ITCH: variants seen among roughly 807,000 people sequenced by gnomAD.
ITCH encodes the protein itchy E3 ubiquitin protein ligase, also known as E3 ubiquitin-protein ligase Itchy homolog.
A neutral mutation model predicts 126.8 loss-of-function variants in ITCH; 28 were observed. That is an observed-to-expected ratio of 0.22 (90% confidence interval 0.16 to 0.30). ITCH has a LOEUF of 0.30. Among genes scored for constraint, ITCH ranks in the 10% least tolerant of loss-of-function variants. The probability of loss-of-function intolerance (pLI) is 1.00; values close to 1 mark genes in which losing one functional copy is unlikely to be tolerated. For synonymous variants in ITCH, 342 were observed against 340.0 expected, an observed-to-expected ratio of 1.01 and a Z score of -0.06; for missense variants, 631 against 1,032.4, an observed-to-expected ratio of 0.61 and a Z score of 5.33.
chr20:34,497,069 T>C (rs1989935176), intron 23 of ITCH, among the ~76,000 whole-genome samples: 1 of 151,768 alleles, frequency 6.6e-6, no homozygotes, highest in Admixed American at 6.6e-5. Flanking sequence ...AGATCTCGGC[T>C]CCCCACAACC....
At chr20:34,378,254 T>A (rs976321106) in intron 2 of ITCH, among the ~76,000 whole-genome samples, 5 of 152,036 alleles carry the variant, frequency 3.3e-5, no homozygotes, top group African/African-American at 1.2e-4. Context: ...GAGGATCACC[T>A]GAGGTCAGGA....
chr20:34,432,398 A>G (rs1346491563), intron 7 of ITCH, among the ~76,000 whole-genome samples: 1 of 152,228 alleles, frequency 6.6e-6, no homozygotes, highest in East Asian at 1.9e-4. Flanking sequence ...GGTTGTAAAG[A>G]TCTCTTAAAA....
intron 22 of ITCH, among the ~76,000 whole-genome samples, chr20:34,491,804 A>T (rs1404724747): frequency 6.6e-6 from 1 of 152,254 alleles, no homozygotes; most frequent in East Asian, 1.9e-4. Context: ...TAAAAACCAC[A>T]TAATTCTAGC....
intron 6 of ITCH, among the ~76,000 whole-genome samples, chr20:34,422,125 C>T (rs1042166368): frequency 2.6e-5 from 4 of 152,140 alleles, no homozygotes; most frequent in Non-Finnish European, 5.9e-5. Context: ...TGTGCTAGCA[C>T]TGTGCTAAAT....
At position 34,413,867 on chromosome 20, in the gene ITCH, A is replaced by G; in HGVS notation, c.463A>G (p.Thr155Ala). 1 of 1,613,438 alleles carries G rather than the reference A, an allele frequency of 6.2e-7. No homozygotes were observed. The highest frequency in any genetic ancestry group is 1.1e-5 in the South Asian group (1 of 91,062). The change falls in exon 6 of 25, where the codon ACA (threonine) becomes GCA (alanine). Residue 155 changes from threonine (T) to alanine (A), a missense_variant. Transcript: ENST00000374864. Reference protein sequence around the residue: ...ESEVVTNGETTCSESASQNDD... With the variant: ...ESEVVTNGETACSESASQNDD... ...TGAAGTTGTTACCAATGGTGAAACT[A>G]CATGTTCAGAAAGTAAGTGACTACC... is the stretch of plus-strand genomic sequence containing the variant.
At chr20:34,380,859 C>T (rs887162284) in intron 2 of ITCH, among the ~76,000 whole-genome samples, 2 of 152,034 alleles carry the variant, frequency 1.3e-5, no homozygotes, top group African/African-American at 4.8e-5. Flanking sequence ...ACAATCGTGG[C>T]TCACTGTAAT....
At chr20:34,447,788 C>T (rs924689565) in intron 11 of ITCH, among the ~76,000 whole-genome samples, 1 of 152,160 alleles carries the variant, frequency 6.6e-6, no homozygotes, top group Non-Finnish European at 1.5e-5. Context: ...CTCGACAGCA[C>T]TAAATCCAAG....
intron 3 of ITCH, among the ~76,000 whole-genome samples, chr20:34,397,903 A>G (rs1336331697): frequency 1.3e-5 from 2 of 152,110 alleles, no homozygotes; most frequent in African/African-American, 4.8e-5. Context: ...TTTTTTACTG[A>G]TTTAAAAAAA....
At chr20:34,427,328 G>C (rs1024920964) in intron 7 of ITCH, among the ~76,000 whole-genome samples, 1 of 152,204 alleles carries the variant, frequency 6.6e-6, no homozygotes, top group African/African-American at 2.4e-5. Context: ...GCTCACACCT[G>C]TAATCCCAGC....
intron 16 of ITCH, among the ~76,000 whole-genome samples, chr20:34,475,256 G>A (rs1163772855): frequency 2.0e-5 from 3 of 152,148 alleles, no homozygotes; most frequent in African/African-American, 4.8e-5. Flanking sequence ...ACGTGGTGGC[G>A]GCCGGGCAGA....
intron 12 of ITCH, among the ~76,000 whole-genome samples, chr20:34,455,593 G>T (rs1985811506): frequency 6.6e-6 from 1 of 150,710 alleles, no homozygotes; most frequent in South Asian, 2.1e-4. Context: ...CTCTCGAGTT[G>T]CTGGGACTAC....
intron 2 of ITCH, among the ~76,000 whole-genome samples, chr20:34,370,220 G>A (rs983798146): frequency 2.0e-5 from 3 of 152,078 alleles, no homozygotes; most frequent in African/African-American, 7.2e-5. Context: ...GACTTTCGGC[G>A]AGTTATTTAA....
chr20:34,480,493 T>A, intron 18 of ITCH, 106 bp from the exon 19 acceptor site: 3 of 1,358,034 alleles, frequency 2.2e-6, no homozygotes. Context: ...TGAGCCACCA[T>A]GCCTGACCCA....
chr20:34,402,559 A>G, intron 3 of ITCH: 2 of 725,546 alleles, frequency 2.8e-6, no homozygotes, highest in Non-Finnish European at 5.2e-6. Context: ...AAAAAGTCCA[A>G]GAGTATATGG....
rs373885533 is a variant in ITCH at position 34,440,303 on chromosome 20, T to C, written c.828T>C (p.Pro276=). Residue 276 remains proline, a synonymous_variant, in exon 9 of 25, where the codon CCT becomes CCC. Coordinates refer to ENST00000374864, the MANE Select transcript of ITCH (RefSeq NM_031483.7). ...TTACTATATCTGGAGGCTCAGGCCC[T>C]AGGCCATTAAATCCTGTAACTCAAG... The part of the protein sequence containing the change: ...IPLTISGGSG[P]RPLNPVTQAP... 2.7e-4 allele frequency: 440 copies of C among 1,614,064 alleles called. No individual in the cohort carries two copies. The highest frequency in any genetic ancestry group is 3.5e-4 in the Non-Finnish European group (414 of 1,179,998).
At chr20:34,373,653 C>A (rs971082731) in intron 2 of ITCH, among the ~76,000 whole-genome samples, 1 of 152,010 alleles carries the variant, frequency 6.6e-6, no homozygotes, top group Admixed American at 6.6e-5. Context: ...TCCAGCAACT[C>A]GCATTTTTTT....
rs6059808 is a variant in ITCH, at chr20:34,401,535, G to C, written c.71-7116G>C. ...TTCATCAAATACTGGATCTACTCAA[G>C]GGTGGAGTAAAAAGGCAACTAACTT... On this transcript the variant is annotated intron_variant, in intron 3 of 24. Transcript: ENST00000374864. 1,593 of 410,510 alleles carry C rather than the reference G, an allele frequency of 3.9e-3. 24 individuals carry two copies. Among genetic ancestry groups the C allele is most frequent in the African/African-American group, 0.032 (1,499 of 46,218 alleles). 25.4% of individuals were successfully genotyped at this position (410,510 alleles called of 1,614,324 possible).
At chr20:34,457,356 G>A in intron 12 of ITCH, 34 bp from the exon 13 acceptor site, 2 of 1,424,702 alleles carry the variant, frequency 1.4e-6, no homozygotes, top group Non-Finnish European at 2.0e-6. Flanking sequence ...CAATGCTAAT[G>A]CTTTGCTTTC....
rs565234061 is a variant in ITCH, at chr20:34,485,547, A to G, written c.2094-3719A>G. On this transcript the variant is annotated intron_variant, in intron 20 of 24. Coordinates refer to ENST00000374864, the MANE Select transcript of ITCH (RefSeq NM_031483.7). ...CTTCTTTTGTGATGTGTGTATCCAA[A>G]TCTTTTATCCATTCTAAAATTGGGT... 9.2e-5 allele frequency among the ~76,000 whole-genome samples: 14 copies of G among 152,256 alleles called. No homozygotes were observed. In the South Asian group the frequency reaches 2.7e-3, roughly 29 times the overall value.
Sources: allele counts gnomAD v4.1 joint callset (sites outside exome capture counted in the v4.1 genomes callset), GRCh38; gene constraint gnomAD v4.1.1; transcripts MANE v1.5; gene names NCBI Gene and HGNC (gene_info 2026-07-23, HGNC 2026-07-21).